Variants in DNAH17 observed in about 807,000 individuals in gnomAD.
DNAH17 encodes dynein axonemal heavy chain 17.
In DNAH17, 376 loss-of-function variants were observed where a neutral mutation model predicts 485.6. The ratio of observed to expected loss-of-function variants is 0.77; its 90% CI spans 0.71 to 0.84. DNAH17 has a LOEUF of 0.84. DNAH17 is among the 40% of genes least tolerant of loss of function. The pLI, the probability that DNAH17 is intolerant of heterozygous loss-of-function variation, is 0.00. For missense variants in DNAH17, 6,370 were observed against 5,839.3 expected (o/e 1.09, Z -2.96); for synonymous variants, 3,031 against 2,405.9 (o/e 1.26, Z -7.60).
chr17:78,438,312 G>T (rs76177211), intron 73 of DNAH17, among the ~76,000 whole-genome samples: 1 of 147,570 alleles, frequency 6.8e-6, no homozygotes, highest in Non-Finnish European at 1.5e-5. Context: ...AGTGAGAAGG[G>T]GTCTTGGATG....
chr17:78,456,291 T>G (rs1029938996), intron 62 of DNAH17, among the ~76,000 whole-genome samples: 5 of 151,902 alleles, frequency 3.3e-5, no homozygotes, highest in African/African-American at 1.2e-4. Flanking sequence ...AGAGCAAGAC[T>G]TCATCTCAAA....
chr17:78,495,499 G>A (rs370242327), intron 38 of DNAH17, among the ~76,000 whole-genome samples: 2 of 148,968 alleles, frequency 1.3e-5, no homozygotes, highest in South Asian at 2.1e-4. Flanking sequence ...GTGCAATGGT[G>A]CCATCCCGGC....
At chr17:78,534,664 A>T (rs1326939863) in intron 19 of DNAH17, among the ~76,000 whole-genome samples, 1 of 152,206 alleles carries the variant, frequency 6.6e-6, no homozygotes, top group South Asian at 2.1e-4. Flanking sequence ...TGTCCCCTGC[A>T]GTCCTTTGGA....
intron 20 of DNAH17, among the ~76,000 whole-genome samples, chr17:78,531,471 T>C (rs2091236516): frequency 1.3e-5 from 2 of 151,816 alleles, no homozygotes; most frequent in Non-Finnish European, 2.9e-5. Context: ...CCCGAGTAGC[T>C]GGAACTACAG....
Position 78,453,323 on chromosome 17 carries a change from C to CG in DNAH17, c.10529+19dup. 6.2e-7 allele frequency: 1 copy of CG among 1,611,004 alleles called. No individual in the cohort carries two copies. Among genetic ancestry groups the CG allele is most frequent in the Non-Finnish European group, 8.5e-7 (1 of 1,178,410 alleles). Reference sequence around the variant, plus strand: ...GAAGATGTTTACCTGGCTCAAGCCACGGAGGCGGAAACAACTCACTTTCCC... The same window carrying CG: ...GAAGATGTTTACCTGGCTCAAGCCACGGGAGGCGGAAACAACTCACTTTCCC... On this transcript the variant is annotated intron_variant, in intron 65 of 80. Coordinates refer to ENST00000389840, the MANE Select transcript of DNAH17 (RefSeq NM_173628.4).
At chr17:78,458,972 C>T (rs763752105) in intron 61 of DNAH17, 29 bp downstream of exon 61, 3 of 1,611,750 alleles carry the variant, frequency 1.9e-6, no homozygotes, top group South Asian at 1.1e-5. Context: ...TCTGGTGTTT[C>T]GCAGGGACGG....
intron 56 of DNAH17, among the ~76,000 whole-genome samples, chr17:78,466,434 A>AT (rs1441323129): frequency 6.6e-6 from 1 of 152,096 alleles, no homozygotes; most frequent in African/African-American, 2.4e-5. Flanking sequence ...AGAATTATCA[A>AT]TAAAAAATAA....
intron 56 of DNAH17, among the ~76,000 whole-genome samples, chr17:78,465,122 G>A (rs1023763899): frequency 6.6e-6 from 1 of 152,202 alleles, no homozygotes; most frequent in African/African-American, 2.4e-5. Flanking sequence ...GGTGGAGACG[G>A]GGTTTCGCTG....
Position 78,537,323 on chromosome 17 carries a change from C to T in DNAH17, c.2835G>A (p.Leu945=). The T allele has an allele frequency of 6.3e-7, 1 of 1,579,412 alleles. No homozygotes were observed. The highest frequency in any genetic ancestry group is 1.7e-4 in the Middle Eastern group (1 of 6,026). ...IYNVARLIPR[L]AKDRMNYKMD... is the part of the protein sequence containing the mutation. The stretch of plus-strand genomic sequence containing the variant: ...CCTTGTAGTTCATCCTGTCCTTGGC[C>T]AGCCGAGGGATGAGCCTGGCTACGT... The change falls in exon 19 of 81, where the codon CTG becomes CTA. Residue 945 remains leucine (L), a synonymous_variant. Coordinates refer to ENST00000389840, the MANE Select transcript of DNAH17 (RefSeq NM_173628.4).
chr17:78,568,145 T>TC (rs1265328624), intron 9 of DNAH17, among the ~76,000 whole-genome samples: 3 of 152,128 alleles, frequency 2.0e-5, no homozygotes, highest in African/African-American at 7.2e-5. Context: ...CAAAGCCATT[T>TC]CCTCCACCTC....
chr17:78,444,413 C>T (rs908631491), intron 71 of DNAH17, among the ~76,000 whole-genome samples, 191 bp downstream of exon 71: 1 of 152,218 alleles, frequency 6.6e-6, no homozygotes, highest in African/African-American at 2.4e-5. Context: ...AATCCTGCCT[C>T]TGTCCTCGAA....
intron 78 of DNAH17, 29 bp from the exon 79 acceptor site, chr17:78,426,629 G>T (rs772483127): frequency 3.2e-6 from 5 of 1,571,152 alleles, no homozygotes; most frequent in Non-Finnish European, 4.3e-6. Flanking sequence ...GGTGTGGGGA[G>T]CCCTGAGCTG....
chr17:78,466,469 A>T (rs1010366548), intron 56 of DNAH17, among the ~76,000 whole-genome samples, 186 bp downstream of exon 56: 12 of 140,802 alleles, frequency 8.5e-5, no homozygotes, highest in Non-Finnish European at 1.8e-4. Flanking sequence ...AATAAAAAAT[A>T]AAAAATAAAA....
At chr17:78,543,636 G>A (rs1392974039) in intron 17 of DNAH17, 8 of 644,960 alleles carry the variant, frequency 1.2e-5, no homozygotes, top group Admixed American at 2.7e-5. Flanking sequence ...CGTTGGTCAA[G>A]CTGGTCTCGA....
chr17:78,458,639 T>C lies in DNAH17; in HGVS notation c.9903A>G (p.Glu3301=), dbSNP rs2087926909. ...ACTTGATTTTCTCAGCTGTTGCTTT[T>C]TCAAACGCTGAGGTTAGGTTGCTCA... The part of the protein sequence containing the change: ...ANLSNLTSAF[E]KATAEKIKCQ... Residue 3301 remains glutamate, a synonymous_variant, in exon 62 of 81, where the codon GAA becomes GAG. Transcript: ENST00000389840. 1 of 1,613,952 alleles carries C rather than the reference T, an allele frequency of 6.2e-7. No homozygotes were observed. Among genetic ancestry groups the C allele is most frequent in the African/African-American group, 1.3e-5 (1 of 74,940 alleles).
intron 2 of DNAH17, among the ~76,000 whole-genome samples, 197 bp downstream of exon 2, chr17:78,574,516 A>T (rs2143757588): frequency 6.6e-6 from 1 of 152,016 alleles, no homozygotes; most frequent in South Asian, 2.1e-4. Context: ...AAAAAAAAAA[A>T]ATTTAAAAAC....
chr17:78,475,189 G>T lies in DNAH17; in HGVS notation c.8511+89C>A, dbSNP rs528111811. 33 of 1,419,726 alleles carry T rather than the reference G, an allele frequency of 2.3e-5. No individual in the cohort carries two copies. The East Asian group carries it at 7.1e-4, about 31-fold the overall frequency. The allele number at this position is 1,419,726 out of a possible 1,614,324, so 87.9% of individuals were successfully genotyped here. A position where few individuals can be genotyped will look rare whatever the true frequency, so the allele number is the denominator to read the frequency against. The stretch of plus-strand genomic sequence containing the variant: ...GGTGATGCTCGGATTCCCTGTACTC[G>T]CTGGCTTCATTTTGGAAAAGGGAGT... On this transcript the variant is annotated intron_variant, in intron 54 of 80. Coordinates refer to ENST00000389840, the MANE Select transcript of DNAH17 (RefSeq NM_173628.4).
At chr17:78,516,101 G>A (rs1308451865) in intron 25 of DNAH17, among the ~76,000 whole-genome samples, 1 of 152,158 alleles carries the variant, frequency 6.6e-6, no homozygotes, top group Admixed American at 6.5e-5. Flanking sequence ...TAAAAACTGG[G>A]AGTGTTCACA....
Position 78,501,877 on chromosome 17 carries a change from C to T in DNAH17, c.5191-4G>A, listed in dbSNP as rs758811546. 82 of 1,613,734 alleles carry T rather than the reference C, an allele frequency of 5.1e-5. No homozygotes were observed. The highest frequency in any genetic ancestry group is 3.3e-4 in the Middle Eastern group (2 of 6,082). On this transcript the variant is annotated splice_region_variant and splice_polypyrimidine_tract_variant and intron_variant, in intron 33 of 80. Coordinates refer to ENST00000389840, the MANE Select transcript of DNAH17 (RefSeq NM_173628.4). ...TGAGTACGTTCAGCTGGCTAATCTG[C>T]GGGGGAGAGTGCCTTCGATGAGACA...
Sources: allele counts gnomAD v4.1 joint callset (sites outside exome capture counted in the v4.1 genomes callset), GRCh38; gene constraint gnomAD v4.1.1; transcripts MANE v1.5; gene names NCBI Gene and HGNC (gene_info 2026-07-23, HGNC 2026-07-21).